Variants in TMEM232 observed in about 807,000 individuals in gnomAD.
TMEM232 encodes the protein transmembrane protein 232.
A neutral mutation model predicts 78.8 loss-of-function variants in TMEM232; 80 were observed. That is an observed-to-expected ratio of 1.01 (90% CI 0.85 to 1.22). TMEM232 has a LOEUF of 1.22. Among genes scored for constraint, TMEM232 ranks in the 50% most tolerant of loss-of-function variants. TMEM232 has a pLI of 0.00. For missense variants in TMEM232, 881 were observed against 742.2 expected (o/e 1.19, Z -2.17); for synonymous variants, 297 against 254.3 (o/e 1.17, Z -1.60).
At chr5:110,604,609 T>C (rs762589872) in intron 10 of TMEM232, among the ~76,000 whole-genome samples, 5 of 152,188 alleles carry the variant, frequency 3.3e-5, no homozygotes, top group Non-Finnish European at 5.9e-5. Flanking sequence ...GGAATATAAT[T>C]TGAATCATCA....
chr5:110,389,048 G>C (rs1240011216), intron 4 of TMEM232, among the ~76,000 whole-genome samples: 1 of 152,116 alleles, frequency 6.6e-6, no homozygotes, highest in East Asian at 1.9e-4. Flanking sequence ...ATCATCTGAA[G>C]TTAGGAGTTC....
intron 2 of TMEM232, among the ~76,000 whole-genome samples, chr5:110,645,218 C>T (rs1203330864): frequency 1.3e-5 from 2 of 151,668 alleles, no homozygotes; most frequent in African/African-American, 2.4e-5. Context: ...CTTCCAAACT[C>T]ATTTTATGAG....
At chr5:110,442,936 G>A (rs1430405071) in intron 12 of TMEM232, among the ~76,000 whole-genome samples, 1 of 152,096 alleles carries the variant, frequency 6.6e-6, no homozygotes, top group Non-Finnish European at 1.5e-5. Context: ...CCAACAAATG[G>A]AGGCTCTCTC....
intron 11 of TMEM232, among the ~76,000 whole-genome samples, chr5:110,530,130 T>G (rs1771214668): frequency 6.6e-6 from 1 of 152,218 alleles, no homozygotes; most frequent in Non-Finnish European, 1.5e-5. Flanking sequence ...GCTAAATTAC[T>G]GACGAAAGAC....
intron 10 of TMEM232, among the ~76,000 whole-genome samples, chr5:110,591,040 T>G (rs796173778): frequency 3.3e-5 from 5 of 152,254 alleles, no homozygotes; most frequent in African/African-American, 1.2e-4. Flanking sequence ...GAGATTTGGG[T>G]GGGAACACAG....
At chr5:110,629,755 G>C (rs1328906750) in intron 5 of TMEM232, among the ~76,000 whole-genome samples, 1 of 151,998 alleles carries the variant, frequency 6.6e-6, no homozygotes, top group Non-Finnish European at 1.5e-5. Context: ...TTCTTGCATA[G>C]AATCTTGACG....
intron 1 of TMEM232, among the ~76,000 whole-genome samples, chr5:110,712,258 C>A (rs1366977172): frequency 6.6e-6 from 1 of 151,770 alleles, no homozygotes; most frequent in East Asian, 1.9e-4. Context: ...GTGATCACAT[C>A]AAGTTAAAAA....
chr5:110,685,767 T>G (rs1793320965), intron 1 of TMEM232, among the ~76,000 whole-genome samples: 3 of 152,132 alleles, frequency 2.0e-5, no homozygotes, highest in Admixed American at 6.6e-5. Context: ...GGAAAATGGA[T>G]AAACAATTTG....
intron 1 of TMEM232, among the ~76,000 whole-genome samples, chr5:110,718,352 G>GCGAAAATAT (rs1253207465): frequency 5.9e-5 from 9 of 152,196 alleles, no homozygotes; most frequent in African/African-American, 2.2e-4. Context: ...ACATCTTAAG[G>GCGAAAATAT]CGAAAATATT....
At chr5:110,584,813 G>T (rs1778622538) in intron 10 of TMEM232, among the ~76,000 whole-genome samples, 1 of 152,000 alleles carries the variant, frequency 6.6e-6, no homozygotes, top group Admixed American at 6.6e-5. Context: ...CACTTAGCGA[G>T]TTATTTTCAT....
chr5:110,506,119 A>G (rs750860655), intron 12 of TMEM232, among the ~76,000 whole-genome samples: 8 of 152,184 alleles, frequency 5.3e-5, no homozygotes, highest in Non-Finnish European at 8.8e-5. Context: ...AACCACAGTA[A>G]TGTTCTGTGG....
chr5:110,665,909 A>C (rs1053454747), intron 2 of TMEM232, among the ~76,000 whole-genome samples: 2 of 151,544 alleles, frequency 1.3e-5, no homozygotes, highest in Non-Finnish European at 2.9e-5. Context: ...AAAAAAAAAA[A>C]AAACTAAAAA....
intron 10 of TMEM232, among the ~76,000 whole-genome samples, chr5:110,583,066 T>C (rs1216352964): frequency 6.6e-6 from 1 of 152,000 alleles, no homozygotes; most frequent in Non-Finnish European, 1.5e-5. Flanking sequence ...ATTTTAAAAA[T>C]GTTTACACTA....
At chr5:110,538,562 T>G (rs865798454) in intron 11 of TMEM232, among the ~76,000 whole-genome samples, 72 of 152,314 alleles carry the variant, frequency 4.7e-4, no homozygotes, top group Middle Eastern at 6.8e-3. Context: ...AGGACTGTAC[T>G]AAGCCCTCAC....
chr5:110,703,347 A>G (rs1227479753), intron 1 of TMEM232, among the ~76,000 whole-genome samples: 1 of 152,058 alleles, frequency 6.6e-6, no homozygotes, highest in Non-Finnish European at 1.5e-5. Flanking sequence ...CTATGCTACA[A>G]CATGTTTATA....
intron 1 of TMEM232, among the ~76,000 whole-genome samples, chr5:110,722,975 T>C (rs901133646): frequency 1.3e-5 from 2 of 152,208 alleles, no homozygotes; most frequent in African/African-American, 4.8e-5. Context: ...TTTTCTTTTC[T>C]TATAATGTCC....
chr5:110,686,702 T>A (rs1200523754), intron 1 of TMEM232, among the ~76,000 whole-genome samples: 1 of 152,152 alleles, frequency 6.6e-6, no homozygotes, highest in Non-Finnish European at 1.5e-5. Context: ...AATACTGTAT[T>A]TGAATTAGGT....
chr5:110,641,960 C>A (rs1326665289), intron 3 of TMEM232, among the ~76,000 whole-genome samples: 1 of 152,074 alleles, frequency 6.6e-6, no homozygotes, highest in Non-Finnish European at 1.5e-5. Context: ...CTTTGAGACA[C>A]AGCATATCTC....
chr5:110,619,726 C>A (rs1225594416), intron 7 of TMEM232, among the ~76,000 whole-genome samples: 2 of 152,116 alleles, frequency 1.3e-5, no homozygotes, highest in Non-Finnish European at 2.9e-5. Flanking sequence ...AAATGAAATT[C>A]TTTTCTCAAA....
Sources: gnomAD v4.1 joint callset for allele counts (sites outside exome capture counted in the v4.1 genomes callset) on GRCh38, gnomAD v4.1.1 for gene constraint, MANE v1.5 for transcripts, NCBI Gene and HGNC (gene_info 2026-07-23, HGNC 2026-07-21) for gene names.